Variants in FBLN1 observed in about 807,000 individuals in gnomAD.
FBLN1 encodes the protein fibulin-1.
Under a neutral mutation model 89.7 loss-of-function variants are expected in FBLN1, and 34 were observed. The observed-to-expected ratio is 0.38, with a 90% CI of 0.29 to 0.50. FBLN1 has a LOEUF of 0.50. FBLN1 is among the 20% of genes least tolerant of loss of function. The probability of loss-of-function intolerance (pLI) is 0.92; values close to 1 mark genes in which losing one functional copy is unlikely to be tolerated. For missense variants in FBLN1, 777 were observed against 988.1 expected (o/e 0.79, Z 2.86); for synonymous variants, 393 against 391.3 (o/e 1.00, Z -0.05).
rs147517416 is a variant in FBLN1, at chr22:45,504,691, G to A, written c.79+1627G>A. 4.5e-3 allele frequency among the ~76,000 whole-genome samples: 684 copies of A among 152,278 alleles called. 2 individuals carry two copies. The highest frequency in any genetic ancestry group is 0.016 in the African/African-American group (662 of 41,550). Reference sequence around the variant, plus strand: ...TCCCTCTCACTGTTCTTTTCTGTCTGCGGTTTGCGAACAATTTCTCCCTAT... The same window carrying A: ...TCCCTCTCACTGTTCTTTTCTGTCTACGGTTTGCGAACAATTTCTCCCTAT... On this transcript the variant is annotated intron_variant, in intron 1 of 16. Coordinates refer to ENST00000327858, the MANE Select transcript of FBLN1 (RefSeq NM_006486.3).
At chr22:45,525,129 A>C (rs200246352) in intron 2 of FBLN1, among the ~76,000 whole-genome samples, 1 of 126,986 alleles carries the variant, frequency 7.9e-6, no homozygotes, top group East Asian at 2.7e-4. Flanking sequence ...GAGAAAGAAA[A>C]ACAGAGAGAA....
intron 2 of FBLN1, among the ~76,000 whole-genome samples, chr22:45,524,571 A>G (rs1021143159): frequency 1.3e-5 from 2 of 152,076 alleles, no homozygotes; most frequent in Non-Finnish European, 2.9e-5. Flanking sequence ...GTTTGCTCTG[A>G]GCCTGGAAGA....
At chr22:45,517,529 G>C in intron 1 of FBLN1, 1 of 470,530 alleles carries the variant, frequency 2.1e-6, no homozygotes, top group Non-Finnish European at 4.4e-6. Flanking sequence ...CTGGCTCTGA[G>C]GGTGTGGGCC....
At chr22:45,547,875 G>C (rs569994028) in intron 12 of FBLN1, among the ~76,000 whole-genome samples, 2 of 152,086 alleles carry the variant, frequency 1.3e-5, no homozygotes, top group African/African-American at 4.8e-5. Flanking sequence ...AGGTAAGGAG[G>C]GGGCTCAGGG....
At position 45,574,633 on chromosome 22, in the gene FBLN1, G is replaced by A. The variant is rs144939010; in HGVS notation, c.1820G>A (p.Arg607His). ...ACCGTCATCTCGCTGCCTACCTTCC[G>A]CGAGTTCACCCGCCCTGAAGGTGAG... ...SHTVISLPTFREFTRPEEIIF... is the reference protein window; with the variant it reads ...SHTVISLPTFHEFTRPEEIIF... Residue 607 changes from arginine (R) to histidine (H), a missense_variant, in exon 15 of 17, where the codon CGC (arginine) becomes CAC (histidine). Physicochemically the swap from Arg to His is conservative, Grantham distance 29. Coordinates refer to ENST00000327858, the MANE Select transcript of FBLN1 (RefSeq NM_006486.3). This position sits in a 1 kb window ranked among gnomAD's most constrained non-coding sequence, Gnocchi z 4.1. The A allele has an allele frequency of 9.3e-6, 15 of 1,613,948 alleles. No individual in the cohort carries two copies. In the East Asian group the frequency reaches 1.1e-4, roughly 12 times the overall value.
chr22:45,524,211 C>A (rs571864053), intron 2 of FBLN1, among the ~76,000 whole-genome samples: 1 of 152,302 alleles, frequency 6.6e-6, no homozygotes, highest in South Asian at 2.1e-4. Flanking sequence ...GCCTGGCTGG[C>A]AGTGCAGGGA....
chr22:45,541,131 A>C (rs989698473), intron 8 of FBLN1, 98 bp from the exon 9 acceptor site: 11 of 1,518,738 alleles, frequency 7.2e-6, no homozygotes, highest in Non-Finnish European at 1.0e-5. Flanking sequence ...GTGGTTTTGC[A>C]AAGAGGTGGG....
rs1342495982 is a variant in FBLN1, at chr22:45,530,786, G to A, written c.485-479G>A. Among the ~76,000 whole-genome samples, 7 of 151,304 alleles carry A rather than the reference G, an allele frequency of 4.6e-5. No individual in the cohort carries two copies. In the East Asian group the frequency reaches 1.2e-3, roughly 25 times the overall value. ...ATAACTGATCTTTTTTTTTTGAAAC[G>A]GAGTCTCGCTCTTGTTGCCCAGGCT... On this transcript the variant is annotated intron_variant, in intron 4 of 16. Transcript: ENST00000327858. The surrounding 1 kb of genome is among the most constrained non-coding windows in gnomAD (Gnocchi z 5.4).
At chr22:45,511,645 C>G (rs2088102491) in intron 1 of FBLN1, among the ~76,000 whole-genome samples, 1 of 152,014 alleles carries the variant, frequency 6.6e-6, no homozygotes, top group South Asian at 2.1e-4. Flanking sequence ...CTGGGTTTTA[C>G]CATGTTGGCC....
intron 16 of FBLN1, among the ~76,000 whole-genome samples, chr22:45,596,713 AT>A (rs1281431545): frequency 6.8e-6 from 1 of 147,726 alleles, no homozygotes; most frequent in Non-Finnish European, 1.5e-5. Context: ...TCATGTTTAT[AT>A]TTTATATATA....
Position 45,502,896 on chromosome 22 carries a change from G to A in FBLN1, c.-90G>A. 2.2e-6 allele frequency: 1 copy of A among 450,540 alleles called. No individual in the cohort carries two copies. Among genetic ancestry groups the A allele is most frequent in the Non-Finnish European group, 3.0e-6 (1 of 334,968 alleles). The allele number at this position is 450,540 out of a possible 1,614,324, so 27.9% of individuals were successfully genotyped here. A position where few individuals can be genotyped will look rare whatever the true frequency, so the allele number is the denominator to read the frequency against. On this transcript the variant is annotated 5_prime_UTR_variant, in exon 1 of 17. Coordinates refer to ENST00000327858, the MANE Select transcript of FBLN1 (RefSeq NM_006486.3). ...CCCTGGCCCAGCGTTGGCTGCCGAG[G>A]CTCGGCCGGAGCGTGGAGCCCGCGC...
In FBLN1 at chr22:45,546,231, A is replaced by T. The variant is rs533491798; in HGVS notation, c.1322-854A>T. Reference sequence around the variant, plus strand: ...TATTCTTTATTTTATTGTTATTATTATTTTGAGACGGAGTCTCGCTCTGTC... The same window carrying T: ...TATTCTTTATTTTATTGTTATTATTTTTTTGAGACGGAGTCTCGCTCTGTC... On this transcript the variant is annotated intron_variant, in intron 11 of 16. Transcript: ENST00000327858. 2.4e-4 allele frequency among the ~76,000 whole-genome samples: 36 copies of T among 150,780 alleles called. 1 individual carries two copies. The South Asian group carries it at 7.5e-3, about 32-fold the overall frequency.
intron 11 of FBLN1, among the ~76,000 whole-genome samples, chr22:45,546,326 C>T (rs1410627315): frequency 2.6e-5 from 4 of 152,238 alleles, no homozygotes; most frequent in African/African-American, 7.2e-5. Context: ...AAGCAATTCT[C>T]CTGCTTCAGC....
At position 45,557,765 on chromosome 22, in the gene FBLN1, A is replaced by G. The variant is rs1312185226; in HGVS notation, c.1697+7150A>G. ...GGTCTATCCACATACCTCTTCCCCAAATTTCATTGTCATCAATTTTCCAAT... is the reference window on the plus strand; with the variant it reads ...GGTCTATCCACATACCTCTTCCCCAGATTTCATTGTCATCAATTTTCCAAT... On this transcript the variant is annotated intron_variant, in intron 14 of 16. Transcript: ENST00000327858. The surrounding 1 kb of genome is among the most constrained non-coding windows in gnomAD (Gnocchi z 4.9). Among the ~76,000 whole-genome samples, 1 of 152,146 alleles carries G rather than the reference A, an allele frequency of 6.6e-6. No homozygotes were observed. The highest frequency in any genetic ancestry group is 6.5e-5 in the Admixed American group (1 of 15,268).
chr22:45,568,447 G>GTGCTCCTTCTGTAGGGCA (rs1569260018), intron 14 of FBLN1, among the ~76,000 whole-genome samples: 85 of 75,748 alleles, frequency 1.1e-3, no homozygotes, highest in East Asian at 1.9e-3. Context: ...CTGTAGGGGA[G>GTGCTCCTTCTGTAGGGCA]TGCTCCTTCT....
At chr22:45,518,466 T>G in intron 1 of FBLN1, 6 of 607,694 alleles carry the variant, frequency 9.9e-6, no homozygotes, top group Non-Finnish European at 1.5e-5. Flanking sequence ...TGGGGGAGGA[T>G]TCAGGTCTTT....
At chr22:45,564,982 T>C in intron 14 of FBLN1, 2 of 1,613,990 alleles carry the variant, frequency 1.2e-6, no homozygotes, top group Non-Finnish European at 1.7e-6. Flanking sequence ...GATACCCACC[T>C]TGATGCCTAG....
At position 45,547,013 on chromosome 22, in the gene FBLN1, C is replaced by T. The variant is rs1050533573; in HGVS notation, c.1322-72C>T. Reference sequence around the variant, plus strand: ...AGGTGGAGAGGAGATTTTCTGTTCACTGACCCTGAGGGCTACTGTGGAGGC... The same window carrying T: ...AGGTGGAGAGGAGATTTTCTGTTCATTGACCCTGAGGGCTACTGTGGAGGC... On this transcript the variant is annotated intron_variant, in intron 11 of 16. Coordinates refer to ENST00000327858, the MANE Select transcript of FBLN1 (RefSeq NM_006486.3). 4 of 1,609,482 alleles carry T rather than the reference C, an allele frequency of 2.5e-6. No homozygotes were observed. In the African/African-American group the frequency reaches 5.3e-5, roughly 21 times the overall value.
At chr22:45,551,184 C>G (rs1463051657) in intron 14 of FBLN1, 2 of 177,938 alleles carry the variant, frequency 1.1e-5, no homozygotes, top group Non-Finnish European at 2.4e-5. Flanking sequence ...TAGGCCATCA[C>G]GGCGCCCACT....
Sources: gnomAD v4.1 joint callset for allele counts (sites outside exome capture counted in the v4.1 genomes callset) on GRCh38, gnomAD v4.1.1 for gene constraint, Gnocchi (gnomAD v3.1) non-coding constraint, MANE v1.5 for transcripts, NCBI Gene and HGNC (gene_info 2026-07-23, HGNC 2026-07-21) for gene names.